The following GLP2R variants were observed in gnomAD, a reference collection of about 807,000 sequenced individuals.
The protein encoded by GLP2R is glucagon-like peptide 2 receptor.
In GLP2R, 59 loss-of-function variants were observed where a neutral mutation model predicts 68.2. That is an observed-to-expected ratio of 0.87 (90% CI 0.70 to 1.07). GLP2R has a LOEUF of 1.07. Ranked by LOEUF, GLP2R falls within the 50% of genes least tolerant of loss-of-function variation. GLP2R has a pLI of 0.00. For synonymous variants in GLP2R, 270 were observed against 265.4 expected, an observed-to-expected ratio of 1.02 and a Z score of -0.17; for missense variants, 548 against 677.4, an observed-to-expected ratio of 0.81 and a Z score of 2.12.
chr17:9,850,892 C>T (rs899189480), intron 4 of GLP2R, among the ~76,000 whole-genome samples: 1 of 151,990 alleles, frequency 6.6e-6, no homozygotes, highest in Non-Finnish European at 1.5e-5. Flanking sequence ...TGGGGTTTGC[C>T]ATGTTGGCCA....
At chr17:9,831,249 T>A (rs2066676835) in intron 1 of GLP2R, among the ~76,000 whole-genome samples, 1 of 152,194 alleles carries the variant, frequency 6.6e-6, no homozygotes, top group Admixed American at 6.5e-5. Context: ...AACTGGGTGA[T>A]ATTAGCCCAG....
At chr17:9,885,970 T>C (rs929133436) in intron 11 of GLP2R, among the ~76,000 whole-genome samples, 1 of 152,174 alleles carries the variant, frequency 6.6e-6, no homozygotes. Context: ...CAGGGTGTTT[T>C]GTACCAGGAC....
Position 9,889,637 on chromosome 17 carries a change from G to A in GLP2R, c.1594G>A (p.Glu532Lys), listed in dbSNP as rs2067274089. The A allele has an allele frequency of 1.2e-6, 2 of 1,611,610 alleles. No individual in the cohort carries two copies. The highest frequency in any genetic ancestry group is 2.7e-5 in the African/African-American group (2 of 74,870). Residue 532 changes from glutamate (E) to lysine (K), a missense_variant, in exon 13 of 13, where the codon GAG becomes AAG. Transcript: ENST00000262441. ...ARWPRGSSLS[E>K]CSEGDVTMAN... ...CTGGCCCCGGGGCAGCAGCCTGTCC[G>A]AGTGCAGTGAGGGGGATGTCACCAT...
At chr17:9,883,789 G>A (rs2067217491) in intron 11 of GLP2R, among the ~76,000 whole-genome samples, 1 of 152,098 alleles carries the variant, frequency 6.6e-6, no homozygotes, top group African/African-American at 2.4e-5. Context: ...GTGAAATAAA[G>A]ACATTATCAT....
rs138494339 is a variant in GLP2R at position 9,842,561 on chromosome 17, C to T, written c.449C>T (p.Thr150Met). 1.6e-5 allele frequency: 26 copies of T among 1,613,860 alleles called. No individual in the cohort carries two copies. The East Asian group carries it at 3.3e-4, about 21-fold the overall frequency. ...QGTWQTIENATDIWQDDSECS... is the reference protein window; with the variant it reads ...QGTWQTIENAMDIWQDDSECS... Reference sequence around the variant, plus strand: ...ACTTGGCAGACGATAGAGAACGCCACGGATATTTGGCAGGATGACTCCGAA... The same window carrying T: ...ACTTGGCAGACGATAGAGAACGCCATGGATATTTGGCAGGATGACTCCGAA... Residue 150 changes from threonine to methionine, a missense_variant, in exon 4 of 13, where the codon ACG (threonine) becomes ATG (methionine). Coordinates refer to ENST00000262441, the MANE Select transcript of GLP2R (RefSeq NM_004246.3).
chr17:9,880,448 G>C lies in GLP2R; in HGVS notation c.1216G>C (p.Asp406His), dbSNP rs757991547. The C allele has an allele frequency of 1.9e-6, 3 of 1,600,076 alleles. No homozygotes were observed. In the East Asian group the frequency reaches 6.7e-5, roughly 36 times the overall value. ...VHEILFSFIT[D>H]DQVEGFAKLI... is the part of the protein sequence containing the mutation. ...TGAGATCCTCTTCTCTTTCATCACT[G>C]ATGATCAAGTTGAAGGATTTGCAAA... is the stretch of plus-strand genomic sequence containing the variant. Residue 406 changes from aspartate (D) to histidine (H), a missense_variant, in exon 11 of 13, where the codon GAT becomes CAT. Coordinates refer to ENST00000262441, the MANE Select transcript of GLP2R (RefSeq NM_004246.3).
At chr17:9,854,709 A>G in intron 5 of GLP2R, 108 bp downstream of exon 5, 1 of 739,782 alleles carries the variant, frequency 1.4e-6, no homozygotes, top group Non-Finnish European at 2.4e-6. Context: ...CCAGGGGTAG[A>G]ACGAAACATA....
chr17:9,887,841 C>T (rs755710627), intron 11 of GLP2R, 91 bp from the exon 12 acceptor site: 139 of 895,078 alleles, frequency 1.6e-4, no homozygotes, highest in Non-Finnish European at 2.2e-4. Context: ...AGACTCCTTA[C>T]GACCTGTGCA....
At chr17:9,864,273 C>G (rs1182486426) in intron 9 of GLP2R, among the ~76,000 whole-genome samples, 1 of 152,200 alleles carries the variant, frequency 6.6e-6, no homozygotes, top group Non-Finnish European at 1.5e-5. Context: ...TTCAGGTTCT[C>G]CAGCCCCATC....
chr17:9,853,444 C>T (rs1416642847), intron 4 of GLP2R: 1 of 153,802 alleles, frequency 6.5e-6, no homozygotes, highest in East Asian at 1.9e-4. Flanking sequence ...TTTGGTAAAC[C>T]TCTAGAAAGA....
intron 10 of GLP2R, among the ~76,000 whole-genome samples, chr17:9,873,394 C>T (rs958923132): frequency 7.9e-5 from 12 of 152,166 alleles, no homozygotes; most frequent in African/African-American, 2.2e-4. Context: ...TCAGCATCCC[C>T]GGACAGCTGG....
chr17:9,860,876 G>A (rs927100806), intron 7 of GLP2R, among the ~76,000 whole-genome samples: 17 of 152,150 alleles, frequency 1.1e-4, no homozygotes, highest in Non-Finnish European at 7.3e-5. Flanking sequence ...CAGGAGATTC[G>A]GGTTAATATC....
intron 10 of GLP2R, among the ~76,000 whole-genome samples, chr17:9,879,059 C>T (rs74449008): frequency 0.21 from 31,334 of 151,766 alleles, 4,254 homozygotes; most frequent in Non-Finnish European, 0.31. Flanking sequence ...AGCAGCTCAA[C>T]AGTAAAGGGC....
intron 10 of GLP2R, among the ~76,000 whole-genome samples, chr17:9,872,884 A>AC (rs1221749990): frequency 6.6e-6 from 1 of 152,204 alleles, no homozygotes; most frequent in East Asian, 1.9e-4. Context: ...GAGGTCTAGA[A>AC]GGGTAAACAT....
chr17:9,886,983 T>A (rs2067248930), intron 11 of GLP2R, among the ~76,000 whole-genome samples: 1 of 152,078 alleles, frequency 6.6e-6, no homozygotes, highest in South Asian at 2.1e-4. Flanking sequence ...GACCCTTACA[T>A]CAATTAGGGA....
intron 11 of GLP2R, among the ~76,000 whole-genome samples, chr17:9,881,449 C>T (rs1233394868): frequency 1.6e-5 from 2 of 127,116 alleles, no homozygotes; most frequent in Non-Finnish European, 3.0e-5. Flanking sequence ...GGCGGGATCT[C>T]GGCTCACTGC....
intron 4 of GLP2R, among the ~76,000 whole-genome samples, chr17:9,852,278 G>A (rs957274145): frequency 2.0e-5 from 3 of 151,924 alleles, no homozygotes; most frequent in Non-Finnish European, 2.9e-5. Context: ...GTGTCCATGT[G>A]TTCTCATTGT....
Position 9,889,621 on chromosome 17 carries a change from G to A in GLP2R, c.1578G>A (p.Arg526=), listed in dbSNP as rs1362271286. Residue 526 remains arginine (R), a synonymous_variant, in exon 13 of 13, where the codon CGG becomes CGA. Transcript: ENST00000262441. ...AACAGGACCATGCACGCTGGCCCCG[G>A]GGCAGCAGCCTGTCCGAGTGCAGTG... ...QPQQDHARWP[R]GSSLSECSEG... is the part of the protein sequence containing the mutation. 3.1e-6 allele frequency: 5 copies of A among 1,613,422 alleles called. No individual in the cohort carries two copies. Among genetic ancestry groups the A allele is most frequent in the Non-Finnish European group, 4.2e-6 (5 of 1,179,540 alleles).
chr17:9,884,987 A>G (rs1386581675), intron 11 of GLP2R, among the ~76,000 whole-genome samples: 2 of 152,034 alleles, frequency 1.3e-5, no homozygotes, highest in African/African-American at 4.8e-5. Context: ...TCACTCACCC[A>G]AGGCCCGGTA....
Sources: allele counts gnomAD v4.1 joint callset (sites outside exome capture counted in the v4.1 genomes callset), GRCh38; gene constraint gnomAD v4.1.1; transcripts MANE v1.5; gene names NCBI Gene and HGNC (gene_info 2026-07-23, HGNC 2026-07-21).